The following NKAIN3 variants were observed in gnomAD, a reference collection of about 807,000 sequenced individuals.
NKAIN3 encodes the protein sodium/potassium-transporting ATPase subunit beta-1-interacting protein 3.
NKAIN3 carries 25 observed loss-of-function variants against 30.2 expected under a neutral mutation model. The ratio of observed to expected loss-of-function variants is 0.83; its 90% confidence interval spans 0.60 to 1.16. The LOEUF is 1.16. NKAIN3 is among the 50% of genes most tolerant of loss of function. The pLI, the probability that NKAIN3 is intolerant of heterozygous loss-of-function variation, is 0.00. For missense variants in NKAIN3, 225 were observed against 254.1 expected (o/e 0.89, Z 0.78); for synonymous variants, 91 against 89.6 (o/e 1.02, Z -0.09).
At chr8:62,847,426 T>C (rs1316071830) in intron 4 of NKAIN3, among the ~76,000 whole-genome samples, 1 of 152,208 alleles carries the variant, frequency 6.6e-6, no homozygotes, top group Non-Finnish European at 1.5e-5. Context: ...TGCATTTCTC[T>C]AATCATCAGT....
intron 3 of NKAIN3, among the ~76,000 whole-genome samples, chr8:62,601,926 T>C (rs577293790): frequency 2.0e-4 from 31 of 152,208 alleles, no homozygotes; most frequent in African/African-American, 6.7e-4. Flanking sequence ...GTTTCTTTTT[T>C]ATAGTGAGAT....
chr8:62,468,396 C>A (rs1806225899), intron 1 of NKAIN3, among the ~76,000 whole-genome samples: 1 of 152,098 alleles, frequency 6.6e-6, no homozygotes, highest in South Asian at 2.1e-4. Flanking sequence ...GTGTGCCAAA[C>A]CAGTTTTGTT....
chr8:62,908,831 A>G (rs1043606800), intron 4 of NKAIN3, among the ~76,000 whole-genome samples: 16 of 152,196 alleles, frequency 1.1e-4, no homozygotes, highest in Non-Finnish European at 2.2e-4. Flanking sequence ...CATATATAAA[A>G]TAGAGAAACA....
chr8:62,487,064 T>C (rs1443367982), intron 1 of NKAIN3, among the ~76,000 whole-genome samples: 1 of 152,216 alleles, frequency 6.6e-6, no homozygotes, highest in Non-Finnish European at 1.5e-5. Context: ...AATGCCAGAT[T>C]CGTGGACCAT....
In NKAIN3 at chr8:62,249,027, G is replaced by C. The variant is rs1225722319; in HGVS notation, c.-47G>C. On this transcript the variant is annotated 5_prime_UTR_variant, in exon 1 of 7. Transcript: ENST00000623646. ...GGAGTCAGGAGGCAGCAGCGGCGGA[G>C]GACGAGGATCTCTGGCAGTCAGCGC... The C allele has an allele frequency of 1.3e-6, 2 of 1,507,160 alleles. No homozygotes were observed. Among genetic ancestry groups the C allele is most frequent in the Non-Finnish European group, 1.8e-6 (2 of 1,121,380 alleles). The allele number at this position is 1,507,160 out of a possible 1,614,324, so 93.4% of individuals were successfully genotyped here.
At chr8:62,385,492 G>A (rs1366686802) in intron 1 of NKAIN3, among the ~76,000 whole-genome samples, 1 of 152,150 alleles carries the variant, frequency 6.6e-6, no homozygotes, top group East Asian at 1.9e-4. Context: ...CAGTTTCACA[G>A]TTAACATGGG....
chr8:62,507,056 G>A (rs140745288), intron 1 of NKAIN3, among the ~76,000 whole-genome samples: 1 of 152,156 alleles, frequency 6.6e-6, no homozygotes, highest in Admixed American at 6.6e-5. Context: ...GTTTTTGATT[G>A]TGAACATGCT....
chr8:62,892,582 G>A (rs116711412), intron 4 of NKAIN3, among the ~76,000 whole-genome samples: 1,736 of 152,100 alleles, frequency 0.011, 33 homozygotes, highest in African/African-American at 0.04. Flanking sequence ...ACCAAATCAG[G>A]CTTGTTACTC....
chr8:62,335,432 C>CAAAAAAAAAA (rs5891845), intron 1 of NKAIN3, among the ~76,000 whole-genome samples: 1 of 82,214 alleles, frequency 1.2e-5, no homozygotes, highest in Non-Finnish European at 2.5e-5. Flanking sequence ...GACTCTGTCT[C>CAAAAAAAAAA]AAAAAAAAAA....
intron 1 of NKAIN3, among the ~76,000 whole-genome samples, chr8:62,283,552 A>T (rs1221664957): frequency 1.3e-5 from 2 of 152,140 alleles, no homozygotes; most frequent in South Asian, 4.1e-4. Context: ...TATATATGTC[A>T]TTATATTTTC....
chr8:62,439,140 C>T (rs146445111), intron 1 of NKAIN3, among the ~76,000 whole-genome samples: 228 of 152,156 alleles, frequency 1.5e-3, no homozygotes, highest in African/African-American at 5.0e-3. Context: ...CAGGAAAGAG[C>T]GATATGATCT....
At chr8:62,798,827 G>A (rs566552799) in intron 4 of NKAIN3, among the ~76,000 whole-genome samples, 36 of 152,252 alleles carry the variant, frequency 2.4e-4, no homozygotes, top group African/African-American at 8.2e-4. Flanking sequence ...GAAGTAGGAA[G>A]AGTACCAAAA....
chr8:62,670,553 T>C (rs1371569003), intron 3 of NKAIN3, among the ~76,000 whole-genome samples: 1 of 152,134 alleles, frequency 6.6e-6, no homozygotes, highest in Admixed American at 6.6e-5. Context: ...AGTGGAAATG[T>C]GTGCTGCGTT....
intron 1 of NKAIN3, among the ~76,000 whole-genome samples, chr8:62,464,391 A>G (rs1382324263): frequency 1.3e-5 from 2 of 152,210 alleles, no homozygotes; most frequent in Non-Finnish European, 2.9e-5. Flanking sequence ...CTTCCTACAT[A>G]CAAGTATACT....
intron 4 of NKAIN3, among the ~76,000 whole-genome samples, chr8:62,802,855 G>C (rs1007222698): frequency 1.3e-5 from 2 of 152,166 alleles, no homozygotes; most frequent in African/African-American, 4.8e-5. Context: ...TCAGTGTGCT[G>C]TATTCAGGAA....
At chr8:62,804,712 C>T (rs1818208337) in intron 4 of NKAIN3, among the ~76,000 whole-genome samples, 1 of 152,142 alleles carries the variant, frequency 6.6e-6, no homozygotes, top group Admixed American at 6.5e-5. Context: ...TGGGCAAAAA[C>T]TGGAAGCATT....
chr8:62,996,408 C>T lies in NKAIN3; in HGVS notation c.533-2823C>T, dbSNP rs527459079. On this transcript the variant is annotated intron_variant, in intron 5 of 5. Coordinates refer to the NKAIN3 transcript ENST00000519049. Reference sequence around the variant, plus strand: ...ATCACCTCCCATCGGGTCCCTCCCTCGACACTTGGGGATTACAATTCAAGA... The same window carrying T: ...ATCACCTCCCATCGGGTCCCTCCCTTGACACTTGGGGATTACAATTCAAGA... Among the ~76,000 whole-genome samples, 7 of 152,206 alleles carry T rather than the reference C, an allele frequency of 4.6e-5. No homozygotes were observed. In the South Asian group the frequency reaches 6.2e-4, roughly 14 times the overall value.
At chr8:62,591,095 C>A (rs780339417) in intron 3 of NKAIN3, among the ~76,000 whole-genome samples, 1 of 151,926 alleles carries the variant, frequency 6.6e-6, no homozygotes, top group African/African-American at 2.4e-5. Flanking sequence ...TTAAGCACAA[C>A]ATTTTCAACT....
At chr8:62,875,952 G>T (rs532884086) in intron 4 of NKAIN3, among the ~76,000 whole-genome samples, 1 of 152,234 alleles carries the variant, frequency 6.6e-6, no homozygotes, top group South Asian at 2.1e-4. Context: ...AAAAGCAATT[G>T]CAACAAAAGC....
Sources: gnomAD v4.1 joint callset for allele counts (sites outside exome capture counted in the v4.1 genomes callset) on GRCh38, gnomAD v4.1.1 for gene constraint, MANE v1.5 for transcripts, NCBI Gene and HGNC (gene_info 2026-07-23, HGNC 2026-07-21) for gene names.